LIPK: variants seen among roughly 807,000 people sequenced by gnomAD.
The protein encoded by LIPK is lipase family member K.
In LIPK, 32 loss-of-function variants were observed where a neutral mutation model predicts 48.6. The ratio of observed to expected loss-of-function variants is 0.66; its 90% CI spans 0.50 to 0.88. The LOEUF (loss-of-function observed/expected upper bound fraction) is 0.88, where lower values mean the gene tolerates loss of function less well. Ranked by LOEUF, LIPK falls within the 40% of genes least tolerant of loss-of-function variation. LIPK has a pLI of 0.00. For missense variants in LIPK, 507 were observed against 478.5 expected, an observed-to-expected ratio of 1.06 and a Z score of -0.56; for synonymous variants, 164 against 157.4, an observed-to-expected ratio of 1.04 and a Z score of -0.32.
chr10:88,714,598 C>A (rs947998855), intron 1 of LIPK, among the ~76,000 whole-genome samples: 1 of 152,098 alleles, frequency 6.6e-6, no homozygotes, highest in African/African-American at 2.4e-5. Flanking sequence ...TGTTCTTTTT[C>A]TTCTGGAAAT....
At chr10:88,719,976 C>T (rs1290551902) in intron 1 of LIPK, among the ~76,000 whole-genome samples, 1 of 152,064 alleles carries the variant, frequency 6.6e-6, no homozygotes, top group Non-Finnish European at 1.5e-5. Context: ...ATATGTAAAC[C>T]CAGTATAAAA....
At chr10:88,719,104 T>C (rs1431703998) in intron 1 of LIPK, among the ~76,000 whole-genome samples, 3 of 152,318 alleles carry the variant, frequency 2.0e-5, no homozygotes, top group Admixed American at 6.5e-5. Context: ...AACCAAGACA[T>C]ACATCTGAAA....
intron 2 of LIPK, 66 bp downstream of exon 2, chr10:88,724,714 C>A: frequency 2.7e-6 from 3 of 1,122,872 alleles, no homozygotes; most frequent in Non-Finnish European, 3.8e-6. Context: ...ATTTTAGATA[C>A]AACTGGTGTG....
intron 1 of LIPK, among the ~76,000 whole-genome samples, chr10:88,714,362 C>G (rs1365765352): frequency 1.3e-5 from 2 of 152,150 alleles, no homozygotes; most frequent in Non-Finnish European, 2.9e-5. Context: ...ATTTATCCAT[C>G]AGAACACTAA....
At chr10:88,746,481 A>G (rs1276198076) in intron 9 of LIPK, among the ~76,000 whole-genome samples, 1 of 152,228 alleles carries the variant, frequency 6.6e-6, no homozygotes, top group Non-Finnish European at 1.5e-5. Context: ...ATGATCCATC[A>G]AAACCATGCA....
At chr10:88,746,977 T>A (rs1842777341) in intron 9 of LIPK, among the ~76,000 whole-genome samples, 1 of 152,028 alleles carries the variant, frequency 6.6e-6, no homozygotes, top group African/African-American at 2.4e-5. Context: ...TCAGAGACTA[T>A]CATTATCACC....
chr10:88,746,391 C>T (rs888558062), intron 9 of LIPK, among the ~76,000 whole-genome samples: 3 of 141,910 alleles, frequency 2.1e-5, no homozygotes, highest in South Asian at 2.3e-4. Context: ...AAGCAATTCT[C>T]AACAAATTAA....
At chr10:88,745,670 A>G (rs926013057) in intron 9 of LIPK, among the ~76,000 whole-genome samples, 3 of 152,236 alleles carry the variant, frequency 2.0e-5, no homozygotes, top group African/African-American at 7.2e-5. Context: ...AGATACTACA[A>G]AAGCACACTT....
rs1205503680 is a variant in LIPK at position 88,726,849 on chromosome 10, A to G, written c.160A>G (p.Lys54Glu). The change falls in exon 3 of 10, where the codon AAA becomes GAA. Residue 54 changes from lysine to glutamate, a missense_variant. Transcript: ENST00000404190. ...TTATGAAGAGTATGATGTTACAACAAAAGATGGTTATATCCTTGGAATTTA... is the reference window on the plus strand; with the variant it reads ...TTATGAAGAGTATGATGTTACAACAGAAGATGGTTATATCCTTGGAATTTA... ...YPYEEYDVTT[K>E]DGYILGIYRI... 1 of 1,609,034 alleles carries G rather than the reference A, an allele frequency of 6.2e-7. No individual in the cohort carries two copies. The highest frequency in any genetic ancestry group is 8.5e-7 in the Non-Finnish European group (1 of 1,176,434).
At chr10:88,736,917 T>C (rs1269202160) in intron 6 of LIPK, among the ~76,000 whole-genome samples, 2 of 152,214 alleles carry the variant, frequency 1.3e-5, no homozygotes, top group Admixed American at 6.5e-5. Flanking sequence ...AATAGGTGTT[T>C]CCAAAGTTTT....
At chr10:88,750,354 G>A (rs1036963482) in intron 9 of LIPK, among the ~76,000 whole-genome samples, 4 of 152,030 alleles carry the variant, frequency 2.6e-5, no homozygotes, top group South Asian at 2.1e-4. Flanking sequence ...ACATGTACCC[G>A]TATGTTCATT....
intron 8 of LIPK, among the ~76,000 whole-genome samples, chr10:88,742,459 A>C (rs1755965399): frequency 6.6e-6 from 1 of 152,268 alleles, no homozygotes; most frequent in Admixed American, 6.5e-5. Context: ...AAAAACACAG[A>C]ATAGTCTGAG....
intron 1 of LIPK, among the ~76,000 whole-genome samples, chr10:88,714,014 T>TTTG (rs910165741): frequency 1.3e-5 from 2 of 151,914 alleles, no homozygotes; most frequent in African/African-American, 2.4e-5. Context: ...CTTTCCCATC[T>TTTG]TTGTTGTTGT....
chr10:88,722,276 C>T (rs1274235915), intron 1 of LIPK, among the ~76,000 whole-genome samples: 1 of 152,094 alleles, frequency 6.6e-6, no homozygotes, highest in African/African-American at 2.4e-5. Context: ...GCCTGGGCAA[C>T]AAGAGCAAAA....
In LIPK at chr10:88,724,628, C is replaced by G. The variant is rs773103116; in HGVS notation, c.85C>G (p.Pro29Ala). The G allele has an allele frequency of 6.3e-7, 1 of 1,599,388 alleles. No homozygotes were observed. Among genetic ancestry groups the G allele is most frequent in the Non-Finnish European group, 8.5e-7 (1 of 1,174,402 alleles). ...GYDKKGNNANPEANMNISQII... is the reference protein window; with the variant it reads ...GYDKKGNNANAEANMNISQII... ...TGACAAGAAAGGAAACAATGCAAAC[C>G]CTGAAGCTAATATGAATATTGTAAG... The change falls in exon 2 of 10, where the codon CCT becomes GCT. Residue 29 changes from proline (P) to alanine (A), a missense_variant. Pro to Ala is a conservative substitution (Grantham distance 27). Coordinates refer to ENST00000404190, the MANE Select transcript of LIPK (RefSeq NM_001080518.2).
chr10:88,743,149 G>A, intron 8 of LIPK, 101 bp from the exon 9 acceptor site: 1 of 653,214 alleles, frequency 1.5e-6, no homozygotes, highest in Non-Finnish European at 2.6e-6. Context: ...TGTTTCTAAA[G>A]ACTGGGGCAT....
Position 88,752,731 on chromosome 10 carries a change from T to G in LIPK, c.1175T>G (p.Leu392Trp). Residue 392 changes from leucine to tryptophan, a missense_variant, in exon 10 of 10, where the codon TTG (leucine) becomes TGG (tryptophan). Transcript: ENST00000404190. ...PQEIYQDLII[L>W]MEEYLQN ...GAAATTTACCAAGACCTAATTATATTGATGGAAGAATATTTACAAAATTAA... is the reference window on the plus strand; with the variant it reads ...GAAATTTACCAAGACCTAATTATATGGATGGAAGAATATTTACAAAATTAA... 5 of 1,554,384 alleles carry G rather than the reference T, an allele frequency of 3.2e-6. No homozygotes were observed. Among genetic ancestry groups the G allele is most frequent in the Non-Finnish European group, 4.4e-6 (5 of 1,144,522 alleles).
Position 88,724,420 on chromosome 10 carries a change from G to A in LIPK, c.-11-113G>A, listed in dbSNP as rs1440518732. ...TCAGTATTCTACTGGTTAAAGCACA[G>A]CCTAGAAGTATGTTTCTGCTCTCTC... On this transcript the variant is annotated intron_variant, in intron 1 of 9. Coordinates refer to ENST00000404190, the MANE Select transcript of LIPK (RefSeq NM_001080518.2). 4.5e-6 allele frequency: 3 copies of A among 673,144 alleles called. No homozygotes were observed. In the African/African-American group the frequency reaches 5.6e-5, roughly 12 times the overall value. The allele number at this position is 673,144 out of a possible 1,614,324, so 41.7% of individuals were successfully genotyped here. A position where few individuals can be genotyped will look rare whatever the true frequency, so the allele number is the denominator to read the frequency against.
At chr10:88,717,281 G>A (rs1020746698) in intron 1 of LIPK, among the ~76,000 whole-genome samples, 5 of 152,142 alleles carry the variant, frequency 3.3e-5, no homozygotes, top group East Asian at 1.9e-4. Context: ...GGAAAGGTTC[G>A]TCTTGGTCCT....
Sources: gnomAD v4.1 joint callset for allele counts (sites outside exome capture counted in the v4.1 genomes callset) on GRCh38, gnomAD v4.1.1 for gene constraint, MANE v1.5 for transcripts, NCBI Gene and HGNC (gene_info 2026-07-23, HGNC 2026-07-21) for gene names.